Variants in KLF12 observed in about 807,000 individuals in gnomAD.
KLF12 encodes the protein KLF transcription factor 12.
KLF12 carries 9 observed loss-of-function variants against 37.8 expected under a neutral mutation model. The ratio of observed to expected loss-of-function variants is 0.24; its 90% CI spans 0.14 to 0.42. KLF12 has a LOEUF of 0.42. Among genes scored for constraint, KLF12 ranks in the 10% least tolerant of loss-of-function variants. KLF12 has a pLI of 1.00. For missense variants in KLF12, 411 were observed against 516.0 expected, an observed-to-expected ratio of 0.80 and a Z score of 1.97; for synonymous variants, 208 against 202.1, an observed-to-expected ratio of 1.03 and a Z score of -0.25.
intron 5 of KLF12, among the ~76,000 whole-genome samples, chr13:73,791,368 G>A (rs543924409): frequency 1.3e-5 from 2 of 152,242 alleles, no homozygotes; most frequent in South Asian, 4.1e-4. Flanking sequence ...AATGCAATTT[G>A]TCACATTTCC....
the KLF12 span, among the ~76,000 whole-genome samples, chr13:74,277,173 T>G: frequency 6.6e-6 from 1 of 152,264 alleles, no homozygotes; most frequent in Non-Finnish European, 1.5e-5. Flanking sequence ...ATATTATACA[T>G]GTCTTCACAT....
At chr13:73,841,310 A>G (rs1333272500) in intron 4 of KLF12, among the ~76,000 whole-genome samples, 2 of 152,224 alleles carry the variant, frequency 1.3e-5, no homozygotes, top group African/African-American at 4.8e-5. Flanking sequence ...AGGGGTGTCC[A>G]GTCTTTTGGC....
At chr13:73,888,258 C>G (rs192717967) in intron 3 of KLF12, among the ~76,000 whole-genome samples, 1 of 152,282 alleles carries the variant, frequency 6.6e-6, no homozygotes, top group African/African-American at 2.4e-5. Context: ...CCTGCCCTAG[C>G]CTCCCAAATT....
intron 5 of KLF12, among the ~76,000 whole-genome samples, chr13:73,780,477 T>TGG (rs1880895360): frequency 6.6e-6 from 1 of 151,988 alleles, no homozygotes; most frequent in African/African-American, 2.4e-5. Flanking sequence ...AATGGTTTTT[T>TGG]TTTTTTTTCT....
the KLF12 span, among the ~76,000 whole-genome samples, chr13:74,216,022 C>G: frequency 6.6e-6 from 1 of 152,144 alleles, no homozygotes; most frequent in Non-Finnish European, 1.5e-5. Flanking sequence ...GGAATGAACA[C>G]AAGAGCCCCT....
At chr13:74,126,806 G>A (rs939270695) in intron 1 of KLF12, among the ~76,000 whole-genome samples, 1 of 152,160 alleles carries the variant, frequency 6.6e-6, no homozygotes, top group African/African-American at 2.4e-5. Flanking sequence ...TGGCATTTCA[G>A]AGGTGACACG....
chr13:73,930,808 A>C (rs996926416), intron 3 of KLF12, among the ~76,000 whole-genome samples: 4 of 151,664 alleles, frequency 2.6e-5, no homozygotes, highest in Admixed American at 6.6e-5. Flanking sequence ...ATTACTTTGG[A>C]GCATCATTAA....
Position 74,082,616 on chromosome 13 carries a change from C to T in KLF12, c.-32+51123G>A, listed in dbSNP as rs191385593. ...CTGCTCTGCTAAGAAAGACCAAATA[C>T]AAGTTGTTTTTAGTGAAGATGAACA... On this transcript the variant is annotated intron_variant, in intron 1 of 7. Transcript: ENST00000377669. Among the ~76,000 whole-genome samples the T allele has an allele frequency of 1.8e-3, 278 of 152,102 alleles. 2 individuals are homozygous for T. Among genetic ancestry groups the T allele is most frequent in the Non-Finnish European group, 1.1e-3 (76 of 68,014 alleles).
chr13:73,747,427 G>A (rs568472216), intron 6 of KLF12, among the ~76,000 whole-genome samples: 1 of 152,304 alleles, frequency 6.6e-6, no homozygotes, highest in African/African-American at 2.4e-5. Flanking sequence ...GAATGAGAAG[G>A]ACGCAGTAGA....
chr13:74,137,982 A>G (rs1878607795), upstream of KLF12, among the ~76,000 whole-genome samples: 1 of 152,186 alleles, frequency 6.6e-6, no homozygotes, highest in South Asian at 2.1e-4. Flanking sequence ...GCTGGTCTTG[A>G]ACTCCCGACC....
the KLF12 span, among the ~76,000 whole-genome samples, chr13:74,290,753 T>C: frequency 6.6e-6 from 1 of 152,252 alleles, no homozygotes; most frequent in Non-Finnish European, 1.5e-5. Flanking sequence ...TTCAACAAAC[T>C]GTTGGAGAAG....
chr13:73,741,181 C>T (rs1324220576), intron 6 of KLF12, among the ~76,000 whole-genome samples: 1 of 152,146 alleles, frequency 6.6e-6, no homozygotes, highest in Admixed American at 6.5e-5. Flanking sequence ...GGAAATTTGA[C>T]TGCATCTTAT....
At chr13:73,873,438 T>A (rs1198377516) in intron 3 of KLF12, among the ~76,000 whole-genome samples, 1 of 152,194 alleles carries the variant, frequency 6.6e-6, no homozygotes, top group Non-Finnish European at 1.5e-5. Flanking sequence ...AATTTTTTGT[T>A]TAGTTTTGGT....
the KLF12 span, among the ~76,000 whole-genome samples, chr13:74,249,778 A>G: frequency 2.0e-5 from 3 of 152,048 alleles, no homozygotes; most frequent in African/African-American, 7.2e-5. Context: ...GTCCTTGGAG[A>G]ATTTTTTAAT....
chr13:73,905,051 T>C (rs1888211669), intron 3 of KLF12, among the ~76,000 whole-genome samples: 1 of 152,212 alleles, frequency 6.6e-6, no homozygotes, highest in Middle Eastern at 3.2e-3. Flanking sequence ...CATGTTTGTT[T>C]TGTTTTCATG....
intron 3 of KLF12, among the ~76,000 whole-genome samples, chr13:73,885,727 G>A (rs1422687184): frequency 6.6e-6 from 1 of 152,190 alleles, no homozygotes; most frequent in Non-Finnish European, 1.5e-5. Context: ...AAAGGGAAAT[G>A]GAAAGGTGCT....
In KLF12 at chr13:73,715,504, A is replaced by G. The variant is rs749702735; in HGVS notation, c.891T>C (p.Ile297=). Residue 297 remains isoleucine, a synonymous_variant, in exon 7 of 8, where the codon ATT becomes ATC. Coordinates refer to ENST00000377669, the MANE Select transcript of KLF12 (RefSeq NM_007249.5). ...ACCGTCTCTGGCGTCTTGTGCTCTCAATACTAAATGGTGAAATTGAACTGG... is the reference window on the plus strand; with the variant it reads ...ACCGTCTCTGGCGTCTTGTGCTCTCGATACTAAATGGTGAAATTGAACTGG... The G allele has an allele frequency of 1.9e-6, 3 of 1,613,694 alleles. No homozygotes were observed. The highest frequency in any genetic ancestry group is 1.6e-4 in the Middle Eastern group (1 of 6,076).
chr13:73,916,227 AC>A (rs1566457337), intron 3 of KLF12, among the ~76,000 whole-genome samples: 135 of 74,358 alleles, frequency 1.8e-3, no homozygotes, highest in African/African-American at 5.5e-3. Flanking sequence ...ACACACACAC[AC>A]ACACACACAC....
chr13:74,277,316 G>A, the KLF12 span, among the ~76,000 whole-genome samples: 2 of 152,100 alleles, frequency 1.3e-5, no homozygotes, highest in African/African-American at 4.8e-5. Context: ...AATGCACATG[G>A]CCCATATCAT....
Sources: gnomAD v4.1 joint callset for allele counts (sites outside exome capture counted in the v4.1 genomes callset) on GRCh38, gnomAD v4.1.1 for gene constraint, MANE v1.5 for transcripts, NCBI Gene and HGNC (gene_info 2026-07-23, HGNC 2026-07-21) for gene names.